Variants in GLS observed in about 807,000 individuals in gnomAD.
GLS encodes glutaminase kidney isoform, mitochondrial.
Under a neutral mutation model 86.7 loss-of-function variants are expected in GLS, and 36 were observed. That is an observed-to-expected ratio of 0.42 (90% CI 0.32 to 0.55). The LOEUF (loss-of-function observed/expected upper bound fraction) is 0.55, where lower values mean the gene tolerates loss of function less well. GLS is among the 20% of genes least tolerant of loss of function. GLS has a pLI of 0.17. For synonymous variants in GLS, 317 were observed against 305.9 expected (o/e 1.04, Z -0.38); for missense variants, 528 against 833.4 (o/e 0.63, Z 4.51).
intron 17 of GLS, among the ~76,000 whole-genome samples, chr2:190,960,506 A>C (rs1690973829): frequency 6.6e-6 from 1 of 151,552 alleles, no homozygotes; most frequent in Non-Finnish European, 1.5e-5. Flanking sequence ...CTGCAATCAC[A>C]GGCAAACACC....
At chr2:190,908,157 G>T (rs1014446215) in intron 6 of GLS, among the ~76,000 whole-genome samples, 2 of 152,146 alleles carry the variant, frequency 1.3e-5, no homozygotes, top group Non-Finnish European at 2.9e-5. Flanking sequence ...AGAATATATT[G>T]TAAATGTGTG....
chr2:190,895,333 G>T lies in GLS; in HGVS notation c.483+85G>T. 5 of 607,260 alleles carry T rather than the reference G, an allele frequency of 8.2e-6. No individual in the cohort carries two copies. Among genetic ancestry groups the T allele is most frequent in the Non-Finnish European group, 1.4e-5 (5 of 345,126 alleles). 37.6% of individuals were successfully genotyped at this position (607,260 alleles called of 1,614,324 possible). On this transcript the variant is annotated intron_variant, in intron 2 of 17. Coordinates refer to ENST00000320717, the MANE Select transcript of GLS (RefSeq NM_014905.5). The surrounding 1 kb of genome is among the most constrained non-coding windows in gnomAD (Gnocchi z 4.2). The stretch of plus-strand genomic sequence containing the variant: ...GTATTATTGAAATATAGTCTTAAAG[G>T]TCGTCTGACATGTAGATTCTGACTG...
intron 14 of GLS, among the ~76,000 whole-genome samples, chr2:190,950,329 G>A (rs1690686858): frequency 6.6e-6 from 1 of 152,144 alleles, no homozygotes; most frequent in South Asian, 2.1e-4. Context: ...GGAAAGGCAC[G>A]GGAGTTCCTT....
At chr2:190,883,037 G>A (rs1225341808) in intron 1 of GLS, among the ~76,000 whole-genome samples, 1 of 152,176 alleles carries the variant, frequency 6.6e-6, no homozygotes, top group African/African-American at 2.4e-5. Context: ...GATGGGAACT[G>A]CATTCTAGTA....
intron 17 of GLS, among the ~76,000 whole-genome samples, chr2:190,961,129 C>T: frequency 6.6e-6 from 1 of 152,210 alleles, no homozygotes; most frequent in Middle Eastern, 3.2e-3. Flanking sequence ...AACTTGATAA[C>T]TAGGCATTCA....
At chr2:190,934,512 T>TA in intron 14 of GLS, 4 of 983,624 alleles carry the variant, frequency 4.1e-6, no homozygotes, top group Non-Finnish European at 4.8e-6. Flanking sequence ...CTCAAGGCCT[T>TA]ACTGCATATT....
Position 190,949,925 on chromosome 2 carries a change from A to G in GLS, c.1651-3640A>G, listed in dbSNP as rs1290841287. Among the ~76,000 whole-genome samples the G allele has an allele frequency of 6.6e-6, 1 of 150,376 alleles. No homozygotes were observed. Among genetic ancestry groups the G allele is most frequent in the African/African-American group, 2.4e-5 (1 of 41,038 alleles). ...AGAGAGACAAAAAACAAGTATATAT[A>G]AAAATATATATACTTTATATATAGT... On this transcript the variant is annotated intron_variant, in intron 14 of 17. Transcript: ENST00000320717. This position sits in a 1 kb window ranked among gnomAD's most constrained non-coding sequence, Gnocchi z 4.0.
In GLS at chr2:190,881,339, G is replaced by A. The variant is rs527974778; in HGVS notation, c.255G>A (p.Lys85=). ...CGGAGATCTTGCAGGAGCTGGGCAAGGGGAGCACGCATCCGCAGCCCGGGG... is the reference window on the plus strand; with the variant it reads ...CGGAGATCTTGCAGGAGCTGGGCAAAGGGAGCACGCATCCGCAGCCCGGGG... ...SPSEILQELG[K]GSTHPQPGVS... Residue 85 remains lysine, a synonymous_variant, in exon 1 of 18, where the codon AAG becomes AAA. Coordinates refer to ENST00000320717, the MANE Select transcript of GLS (RefSeq NM_014905.5). The A allele has an allele frequency of 1.3e-5, 20 of 1,535,324 alleles. No individual in the cohort carries two copies. In the East Asian group the frequency reaches 4.1e-4, roughly 31 times the overall value.
At position 190,881,396 on chromosome 2, in the gene GLS, C is replaced by T; in HGVS notation, c.312C>T (p.Gly104=). 6.5e-7 allele frequency: 1 copy of T among 1,543,038 alleles called. No individual in the cohort carries two copies. The highest frequency in any genetic ancestry group is 8.7e-7 in the Non-Finnish European group (1 of 1,144,096). Residue 104 remains glycine (G), a synonymous_variant, in exon 1 of 18, where the codon GGC becomes GGT. Coordinates refer to ENST00000320717, the MANE Select transcript of GLS (RefSeq NM_014905.5). ...CACCCGCTGCCCCGGCGGCGCCCGG[C>T]CCCAAGGACGGCCCCGGGGAGACGG... The part of the protein sequence containing the change: ...VSPPAAPAAP[G]PKDGPGETDA...
intron 9 of GLS, among the ~76,000 whole-genome samples, chr2:190,922,504 A>G (rs1042258408): frequency 3.3e-5 from 5 of 152,016 alleles, no homozygotes; most frequent in Non-Finnish European, 7.4e-5. Flanking sequence ...CAAACTTATT[A>G]CATGTCTCTC....
rs193151908 is a variant in GLS at position 190,934,281 on chromosome 2, A to T, written c.1650+2644A>T. Reference sequence around the variant, plus strand: ...ATTTTAGATACTAGTGCAAATAAAGATAGAAAATCTTGATCATAATGTCTT... The same window carrying T: ...ATTTTAGATACTAGTGCAAATAAAGTTAGAAAATCTTGATCATAATGTCTT... On this transcript the variant is annotated intron_variant, in intron 14 of 17. Transcript: ENST00000320717. The T allele has an allele frequency of 2.6e-5, 25 of 959,030 alleles. No homozygotes were observed. In the East Asian group the frequency reaches 1.0e-3, roughly 40 times the overall value. The allele number at this position is 959,030 out of a possible 1,614,324, so 59.4% of individuals were successfully genotyped here.
intron 14 of GLS, among the ~76,000 whole-genome samples, chr2:190,941,895 T>G (rs576041506): frequency 1.3e-5 from 2 of 152,144 alleles, no homozygotes; most frequent in South Asian, 4.2e-4. Flanking sequence ...GCTAGCTTCC[T>G]GGGGCCCATT....
intron 7 of GLS, among the ~76,000 whole-genome samples, chr2:190,912,584 T>C (rs1037985889): frequency 2.0e-5 from 3 of 152,076 alleles, no homozygotes; most frequent in African/African-American, 7.2e-5. Flanking sequence ...CAAAAGGCCT[T>C]AAAAATTGTC....
rs766864593 is a variant in GLS, at chr2:190,935,095, T to C, written c.1650+3458T>C. The C allele has an allele frequency of 1.9e-4, 178 of 945,998 alleles. No homozygotes were observed. The highest frequency in any genetic ancestry group is 2.1e-4 in the Non-Finnish European group (164 of 794,346). 58.6% of individuals were successfully genotyped at this position (945,998 alleles called of 1,614,324 possible). ...TTTTTTCTTTCTTTTTTTGGCATCA[T>C]TAACATTTCATTTGAAATGCATATT... On this transcript the variant is annotated intron_variant, in intron 14 of 17. Coordinates refer to ENST00000320717, the MANE Select transcript of GLS (RefSeq NM_014905.5). This position sits in a 1 kb window ranked among gnomAD's most constrained non-coding sequence, Gnocchi z 4.2.
intron 7 of GLS, among the ~76,000 whole-genome samples, chr2:190,915,904 G>A (rs965935459): frequency 6.6e-6 from 1 of 152,194 alleles, no homozygotes; most frequent in African/African-American, 2.4e-5. Context: ...TAAGTTGTCA[G>A]TCAATAGGAG....
chr2:190,929,310 G>A (rs13414648), intron 12 of GLS, among the ~76,000 whole-genome samples: 34,600 of 151,356 alleles, frequency 0.23, 4,186 homozygotes, highest in East Asian at 0.46. Context: ...AAAATAATTT[G>A]TTATATTTAA....
At chr2:190,901,641 A>T (rs1688941129) in intron 4 of GLS, among the ~76,000 whole-genome samples, 1 of 144,966 alleles carries the variant, frequency 6.9e-6, no homozygotes, top group African/African-American at 2.5e-5. Flanking sequence ...TTTCCTGCTT[A>T]AAAAAAAAAA....
chr2:190,923,460 T>A (rs1311701422), intron 9 of GLS, among the ~76,000 whole-genome samples: 3 of 152,198 alleles, frequency 2.0e-5, no homozygotes, highest in Non-Finnish European at 4.4e-5. Context: ...CCCTGAAATC[T>A]ATTAGTCCAT....
At position 190,962,734 on chromosome 2, in the gene GLS, G is replaced by T; in HGVS notation, c.1854-96G>T. Reference sequence around the variant, plus strand: ...AAAATTGCTAAAATAGCTAAATTTGGCCATTTAACCTGCATTTAAAATCTA... The same window carrying T: ...AAAATTGCTAAAATAGCTAAATTTGTCCATTTAACCTGCATTTAAAATCTA... On this transcript the variant is annotated intron_variant, in intron 17 of 17. Transcript: ENST00000320717. The surrounding 1 kb of genome is among the most constrained non-coding windows in gnomAD (Gnocchi z 4.2). The T allele has an allele frequency of 1.5e-6, 1 of 685,324 alleles. No homozygotes were observed. Among genetic ancestry groups the T allele is most frequent in the Non-Finnish European group, 2.2e-6 (1 of 454,240 alleles). 42.5% of individuals were successfully genotyped at this position (685,324 alleles called of 1,614,324 possible).
Sources: gnomAD v4.1 joint callset for allele counts (sites outside exome capture counted in the v4.1 genomes callset) on GRCh38, gnomAD v4.1.1 for gene constraint, Gnocchi (gnomAD v3.1) non-coding constraint, MANE v1.5 for transcripts, NCBI Gene and HGNC (gene_info 2026-07-23, HGNC 2026-07-21) for gene names.